The following TEP1 variants were observed in gnomAD, a reference collection of about 807,000 sequenced individuals.
The protein encoded by TEP1 is telomerase protein component 1.
A neutral mutation model predicts 306.3 loss-of-function variants in TEP1; 241 were observed. The observed-to-expected ratio is 0.79, with a 90% CI of 0.71 to 0.88. TEP1 has a LOEUF of 0.88. Ranked by LOEUF, TEP1 falls within the 40% of genes least tolerant of loss-of-function variation. The pLI, the probability that TEP1 is intolerant of heterozygous loss-of-function variation, is 0.00. For missense variants in TEP1, 3,051 were observed against 3,276.1 expected (o/e 0.93, Z 1.68); for synonymous variants, 1,289 against 1,305.5 (o/e 0.99, Z 0.27).
At chr14:20,406,524 T>C (rs1879189528) in intron 2 of TEP1, 124 bp from the exon 3 acceptor site, 1 of 948,858 alleles carries the variant, frequency 1.1e-6, no homozygotes, top group Non-Finnish European at 1.6e-6. Context: ...ACCTCTAATG[T>C]TCTCTCCCTT....
chr14:20,367,346 G>C lies in TEP1; in HGVS notation c.*1091C>G, dbSNP rs1884526915. The C allele has an allele frequency of 6.8e-6, 1 of 146,630 alleles. No homozygotes were observed. The highest frequency in any genetic ancestry group is 2.6e-5 in the African/African-American group (1 of 39,172). The allele number at this position is 146,630 out of a possible 1,614,324, so 9.1% of individuals were successfully genotyped here. A position where few individuals can be genotyped will look rare whatever the true frequency, so the allele number is the denominator to read the frequency against. On this transcript the variant is annotated 3_prime_UTR_variant, in exon 55 of 55. Transcript: ENST00000262715. Reference sequence around the variant, plus strand: ...CCATTGCACTCCAGCCTAGGTGACAGAGCCAGACTCTATCTCAAAAACAAA... The same window carrying C: ...CCATTGCACTCCAGCCTAGGTGACACAGCCAGACTCTATCTCAAAAACAAA...
At chr14:20,396,598 G>T in intron 10 of TEP1, 23 bp downstream of exon 10, 1 of 1,581,554 alleles carries the variant, frequency 6.3e-7, no homozygotes, top group East Asian at 2.3e-5. Flanking sequence ...TGGGCCCCAT[G>T]GCTACCAGCC....
In TEP1 at chr14:20,384,712, A is replaced by G. The variant is rs2139075910; in HGVS notation, c.3109T>C (p.Ser1037Pro). 5 of 1,609,768 alleles carry G rather than the reference A, an allele frequency of 3.1e-6. No homozygotes were observed. Among genetic ancestry groups the G allele is most frequent in the Non-Finnish European group, 3.4e-6 (4 of 1,179,912 alleles). ...TCAGATTTCCAGGCATCTGGCACAG[A>G]GCTGACCACCAAAGACCCCAAAAGT... ...IYFRDSSFLSSVPDAWKSDFV... is the reference protein window; with the variant it reads ...IYFRDSSFLSPVPDAWKSDFV... The change falls in exon 22 of 55, where the codon TCT becomes CCT. Residue 1037 changes from serine to proline, a missense_variant and splice_region_variant. By Grantham distance (74) the Ser-to-Pro change is moderately conservative. Around this residue, in one of 3 missense-constraint regions of TEP1, gnomAD observed 1,507 missense variants for 1,550.5 expected, o/e 0.97. Coordinates refer to ENST00000262715, the MANE Select transcript of TEP1 (RefSeq NM_007110.5).
intron 1 of TEP1, among the ~76,000 whole-genome samples, chr14:20,411,629 G>A (rs886238916): frequency 6.6e-6 from 1 of 152,038 alleles, no homozygotes; most frequent in Non-Finnish European, 1.5e-5. Flanking sequence ...TTGCTGGTCA[G>A]CGGGATTCAG....
chr14:20,368,652 G>T (rs994930928), intron 54 of TEP1, 93 bp from the exon 55 acceptor site: 2 of 1,573,932 alleles, frequency 1.3e-6, no homozygotes, highest in African/African-American at 2.7e-5. Flanking sequence ...TTAGAAACAG[G>T]TTAGTCATAC....
rs6413437 is a variant in TEP1 at position 20,404,704 on chromosome 14, A to G, written c.939T>C (p.Ala313=). ...GGTGGGGGCGACACGCCGGCAAGAA[A>G]GCAGCAATGGCCAAGATGTTATTGG... ...NVANNILAIA[A]FLPACRPHLR... Residue 313 remains alanine, a synonymous_variant, in exon 5 of 55, where the codon GCT becomes GCC. Coordinates refer to ENST00000262715, the MANE Select transcript of TEP1 (RefSeq NM_007110.5). 88,576 of 1,613,818 alleles carry G rather than the reference A, an allele frequency of 0.055. 4,148 individuals carry two copies. Among genetic ancestry groups the G allele is most frequent in the African/African-American group, 0.25 (18,725 of 74,982 alleles).
At chr14:20,407,797 C>T (rs1238448011) in intron 2 of TEP1, 76 bp downstream of exon 2, 1 of 1,309,726 alleles carries the variant, frequency 7.6e-7, no homozygotes, top group African/African-American at 1.5e-5. Context: ...CAGAGGGAAA[C>T]TGAGACACTG....
rs779764984 is a variant in TEP1 at position 20,383,839 on chromosome 14, C to T, written c.3614G>A (p.Arg1205His). ...SLVFFHFSGA[R>H]PDQGLALTLL... Reference sequence around the variant, plus strand: ...AGTGAGGGCAAGACCCTGGTCAGGACGAGCCCCAGAAAAGTGGAAGAAGAC... The same window carrying T: ...AGTGAGGGCAAGACCCTGGTCAGGATGAGCCCCAGAAAAGTGGAAGAAGAC... Residue 1205 changes from arginine (R) to histidine (H), a missense_variant, in exon 25 of 55, where the codon CGT becomes CAT. By Grantham distance (29) the Arg-to-His change is conservative. This residue lies in a region of TEP1 where 1,507 missense variants were observed against 1,550.5 expected (regional missense o/e 0.97). Coordinates refer to ENST00000262715, the MANE Select transcript of TEP1 (RefSeq NM_007110.5). 6.2e-6 allele frequency: 10 copies of T among 1,605,574 alleles called. No individual in the cohort carries two copies. The highest frequency in any genetic ancestry group is 1.1e-5 in the South Asian group (1 of 90,478).
At position 20,403,974 on chromosome 14, in the gene TEP1, G is replaced by A. The variant is rs1878967879; in HGVS notation, c.1033-90C>T. The A allele has an allele frequency of 3.2e-6, 5 of 1,541,250 alleles. No individual in the cohort carries two copies. In the South Asian group the frequency reaches 4.7e-5, roughly 14 times the overall value. On this transcript the variant is annotated intron_variant, in intron 5 of 54. Coordinates refer to ENST00000262715, the MANE Select transcript of TEP1 (RefSeq NM_007110.5). ...GATCACTTCATGGAGATACACGAGA[G>A]CACAGAGTAGCGAGCAAGTTCCCAG...
chr14:20,407,975 T>G lies in TEP1; in HGVS notation c.465A>C (p.Pro155=). The part of the protein sequence containing the change: ...NNSNCLLSEP[P]SWRAQHFSKG... ...TAGAGAAATGCTGAGCCCTCCAACT[T>G]GGAGGCTCAGAGAGCAGGCAATTGC... Residue 155 remains proline, a synonymous_variant, in exon 2 of 55, where the codon CCA becomes CCC. Coordinates refer to ENST00000262715, the MANE Select transcript of TEP1 (RefSeq NM_007110.5). The G allele has an allele frequency of 6.2e-7, 1 of 1,614,116 alleles. No homozygotes were observed. The highest frequency in any genetic ancestry group is 8.5e-7 in the Non-Finnish European group (1 of 1,180,020).
chr14:20,386,409 A>T, intron 19 of TEP1, 38 bp downstream of exon 19: 1 of 1,579,052 alleles, frequency 6.3e-7, no homozygotes, highest in Non-Finnish European at 8.6e-7. Flanking sequence ...CAAGCCCCTC[A>T]TCCCCGACCC....
intron 5 of TEP1, 146 bp downstream of exon 5, chr14:20,404,465 T>A: frequency 2.1e-6 from 2 of 971,672 alleles, no homozygotes; most frequent in Non-Finnish European, 2.9e-6. Flanking sequence ...CCCAGCCTAG[T>A]GGAGGGAGAA....
chr14:20,394,496 T>TTTTA (rs1276066344), intron 12 of TEP1, among the ~76,000 whole-genome samples: 1 of 148,784 alleles, frequency 6.7e-6, no homozygotes, highest in Non-Finnish European at 1.5e-5. Context: ...TTTTTTTTTT[T>TTTTA]GAGACAGAGT....
rs114410153 is a variant in TEP1 at position 20,369,540 on chromosome 14, A to G, written c.7460T>C (p.Leu2487Pro). Reference protein sequence around the residue: ...SFLCASSDGILWNLAKCSPEG... With the variant: ...SFLCASSDGIPWNLAKCSPEG... The stretch of plus-strand genomic sequence containing the variant: ...TGGGCTGCATTTGGCCAGGTTCCAT[A>G]GGATCCCATCAGAGCTGGCACACAA... The change falls in exon 53 of 55, where the codon CTA becomes CCA. Residue 2487 changes from leucine to proline, a missense_variant. Leu to Pro is a moderately conservative substitution (Grantham distance 98, BLOSUM62 -3). Around this residue, in one of 3 missense-constraint regions of TEP1, gnomAD observed 1,540 missense variants for 1,705.9 expected, o/e 0.90. Coordinates refer to ENST00000262715, the MANE Select transcript of TEP1 (RefSeq NM_007110.5). 580 of 1,614,106 alleles carry G rather than the reference A, an allele frequency of 3.6e-4. 2 individuals carry two copies. The African/African-American group carries it at 7.0e-3, about 20-fold the overall frequency.
rs1879822923 is a variant in TEP1, at chr14:20,413,418, T to C, written c.-38A>G. 6.6e-6 allele frequency: 1 copy of C among 151,640 alleles called. No homozygotes were observed. The highest frequency in any genetic ancestry group is 2.5e-5 in the African/African-American group (1 of 40,754). 9.4% of individuals were successfully genotyped at this position (151,640 alleles called of 1,614,324 possible). A position where few individuals can be genotyped will look rare whatever the true frequency, so the allele number is the denominator to read the frequency against. On this transcript the variant is annotated 5_prime_UTR_variant, in exon 1 of 55. Transcript: ENST00000262715. The stretch of plus-strand genomic sequence containing the variant: ...TGGGTGCCTGACCTGGGGCGTCCGA[T>C]TCCCGCAGCAGGAAGCAGAAACTTC...
rs146268772 is a variant in TEP1 at position 20,403,572 on chromosome 14, G to A, written c.1195-124C>T. ...GCCAACTAGAAAAGAAGACTGCCCT[G>A]CACCATATGCCCATGAGCTCTACCC... On this transcript the variant is annotated intron_variant, in intron 6 of 54. Coordinates refer to ENST00000262715, the MANE Select transcript of TEP1 (RefSeq NM_007110.5). 343 of 1,588,280 alleles carry A rather than the reference G, an allele frequency of 2.2e-4. 1 individual carries two copies. In the African/African-American group the frequency reaches 4.0e-3, roughly 18 times the overall value.
chr14:20,377,699 A>G lies in TEP1; in HGVS notation c.5776T>C (p.Ser1926Pro). 1 of 1,614,086 alleles carries G rather than the reference A, an allele frequency of 6.2e-7. No individual in the cohort carries two copies. Among genetic ancestry groups the G allele is most frequent in the East Asian group, 2.2e-5 (1 of 44,878 alleles). The change falls in exon 40 of 55, where the codon TCT becomes CCT. Residue 1926 changes from serine to proline, a missense_variant. By Grantham distance (74) the Ser-to-Pro change is moderately conservative. Transcript: ENST00000262715. ...GCCACAGAGAGGGCAGGAGAGAGAG[A>G]AAGGGAACCCAGGTGCCCACGGGGC... ...GRPRGHLGSL[S>P]LSPALSVALS...
At position 20,383,628 on chromosome 14, in the gene TEP1, G is replaced by A. The variant is rs1396546614; in HGVS notation, c.3727C>T (p.Leu1243=). 1 of 1,613,496 alleles carries A rather than the reference G, an allele frequency of 6.2e-7. No homozygotes were observed. The highest frequency in any genetic ancestry group is 8.5e-7 in the Non-Finnish European group (1 of 1,179,868). Residue 1243 remains leucine, a synonymous_variant, in exon 26 of 55, where the codon CTG becomes TTG. Transcript: ENST00000262715. ...GACTTGGGCAGCAGCCTCTGCTGCA[G>A]CTCCCACACCAGGCTTCTGTACATG... ...PSTYRSLVWE[L]QQRLLPKSAE...
intron 27 of TEP1, 139 bp from the exon 28 acceptor site, chr14:20,382,854 G>C: frequency 1.3e-6 from 1 of 796,280 alleles, no homozygotes; most frequent in Non-Finnish European, 2.1e-6. Flanking sequence ...ATCATCCCAG[G>C]ACACAAACCA....
Sources: allele counts gnomAD v4.1 joint callset (sites outside exome capture counted in the v4.1 genomes callset), GRCh38; gene constraint gnomAD v4.1.1; regional missense constraint gnomAD v4.1.1; transcripts MANE v1.5; gene names NCBI Gene and HGNC (gene_info 2026-07-23, HGNC 2026-07-21).